CDH18: variants seen among roughly 807,000 people sequenced by gnomAD.
CDH18 encodes cadherin 18.
CDH18 carries 31 observed loss-of-function variants against 67.9 expected under a neutral mutation model. The observed-to-expected ratio is 0.46, with a 90% CI of 0.34 to 0.62. CDH18 has a LOEUF of 0.62. Ranked by LOEUF, CDH18 falls within the 20% of genes least tolerant of loss-of-function variation. The pLI, the probability that CDH18 is intolerant of heterozygous loss-of-function variation, is 0.01. For missense variants in CDH18, 890 were observed against 975.5 expected (o/e 0.91, Z 1.17); for synonymous variants, 362 against 347.2 (o/e 1.04, Z -0.48).
chr5:20,058,936 C>G (rs893100253), intron 2 of CDH18, among the ~76,000 whole-genome samples: 3 of 152,092 alleles, frequency 2.0e-5, no homozygotes, highest in Non-Finnish European at 4.4e-5. Flanking sequence ...CCGTCTGGTC[C>G]TGGGCTTTTT....
At chr5:20,087,332 A>T (rs746347967) in intron 2 of CDH18, among the ~76,000 whole-genome samples, 3 of 152,206 alleles carry the variant, frequency 2.0e-5, no homozygotes, top group Non-Finnish European at 2.9e-5. Context: ...TTGTTTAAAT[A>T]TTAAAAAAAA....
chr5:19,917,586 G>C (rs1341229654), intron 2 of CDH18, among the ~76,000 whole-genome samples: 2 of 152,102 alleles, frequency 1.3e-5, no homozygotes, highest in Non-Finnish European at 2.9e-5. Flanking sequence ...TCTCTTAGGT[G>C]CAACTTCATC....
chr5:20,079,968 T>C (rs921705847), intron 2 of CDH18, among the ~76,000 whole-genome samples: 2 of 152,168 alleles, frequency 1.3e-5, no homozygotes, highest in African/African-American at 4.8e-5. Context: ...ACCAATCCCA[T>C]GATGAGGGCT....
chr5:20,038,100 A>T (rs1740053186), intron 2 of CDH18, among the ~76,000 whole-genome samples: 1 of 152,204 alleles, frequency 6.6e-6, no homozygotes, highest in Non-Finnish European at 1.5e-5. Context: ...GAAAATCTAG[A>T]AGAAATGGAT....
chr5:19,733,909 A>T (rs971136614), intron 4 of CDH18, among the ~76,000 whole-genome samples: 2 of 152,140 alleles, frequency 1.3e-5, no homozygotes, highest in African/African-American at 4.8e-5. Flanking sequence ...TCATGTGTTG[A>T]TGCTCAAAGC....
chr5:19,742,560 A>T (rs1769355458), intron 4 of CDH18, among the ~76,000 whole-genome samples: 1 of 152,142 alleles, frequency 6.6e-6, no homozygotes, highest in African/African-American at 2.4e-5. Flanking sequence ...GTCTTCTCTC[A>T]TCCACAAGCA....
At chr5:19,537,354 A>T (rs2127028264) in intron 9 of CDH18, among the ~76,000 whole-genome samples, 1 of 152,128 alleles carries the variant, frequency 6.6e-6, no homozygotes, top group Non-Finnish European at 1.5e-5. Flanking sequence ...TTTATAATAA[A>T]TCTACCTGTT....
intron 2 of CDH18, among the ~76,000 whole-genome samples, chr5:20,051,604 C>A (rs574777129): frequency 5.9e-5 from 9 of 151,890 alleles, no homozygotes; most frequent in Non-Finnish European, 1.2e-4. Context: ...CAATTTAAAA[C>A]TTAAACAACT....
intron 3 of CDH18, among the ~76,000 whole-genome samples, chr5:19,791,234 C>T (rs986421920): frequency 3.3e-5 from 5 of 151,888 alleles, no homozygotes; most frequent in Non-Finnish European, 5.9e-5. Context: ...AGTGGCAGTG[C>T]GTGTGGTAGT....
At chr5:20,074,286 C>T (rs2150529948) in intron 2 of CDH18, among the ~76,000 whole-genome samples, 1 of 152,202 alleles carries the variant, frequency 6.6e-6, no homozygotes, top group African/African-American at 2.4e-5. Context: ...TATCATATGC[C>T]TTGTCTCTTG....
chr5:20,537,585 C>T (rs76386487), intron 1 of CDH18, among the ~76,000 whole-genome samples: 1 of 152,046 alleles, frequency 6.6e-6, no homozygotes, highest in Non-Finnish European at 1.5e-5. Flanking sequence ...CTCACAGCTG[C>T]AACTTTAAGC....
intron 2 of CDH18, among the ~76,000 whole-genome samples, chr5:19,904,860 A>C (rs914383298): frequency 2.0e-5 from 3 of 152,200 alleles, no homozygotes; most frequent in Non-Finnish European, 4.4e-5. Context: ...TAATTTCTTC[A>C]AAAATATCAT....
chr5:19,739,555 T>C (rs1028939107), intron 4 of CDH18, among the ~76,000 whole-genome samples: 2 of 152,176 alleles, frequency 1.3e-5, no homozygotes, highest in African/African-American at 4.8e-5. Flanking sequence ...AAAGCAAATA[T>C]TGTGTGTGGC....
At chr5:19,641,507 T>C (rs974837202) in intron 5 of CDH18, among the ~76,000 whole-genome samples, 12 of 152,026 alleles carry the variant, frequency 7.9e-5, no homozygotes, top group African/African-American at 2.4e-4. Flanking sequence ...CCACGTGAGA[T>C]TTATCAATTG....
chr5:20,451,196 T>C (rs1455044256), intron 1 of CDH18, among the ~76,000 whole-genome samples: 1 of 152,334 alleles, frequency 6.6e-6, no homozygotes, highest in African/African-American at 2.4e-5. Flanking sequence ...GCAGGACTTA[T>C]GTCTTTTTTC....
At chr5:19,991,675 C>A (rs1312607794), upstream of CDH18, among the ~76,000 whole-genome samples, 2 of 151,974 alleles carry the variant, frequency 1.3e-5, no homozygotes, top group African/African-American at 4.8e-5. Context: ...ATTTAGTTAA[C>A]CTTTACTCAT....
At chr5:20,019,587 A>G (rs747315607) in intron 2 of CDH18, among the ~76,000 whole-genome samples, 13 of 152,150 alleles carry the variant, frequency 8.5e-5, no homozygotes, top group Non-Finnish European at 1.5e-4. Flanking sequence ...CTGTCCATAT[A>G]CAGCATACCT....
At chr5:20,404,593 C>T (rs1027142898) in intron 1 of CDH18, among the ~76,000 whole-genome samples, 4 of 152,028 alleles carry the variant, frequency 2.6e-5, no homozygotes, top group Non-Finnish European at 4.4e-5. Context: ...ATAACACACA[C>T]AGGATTTATT....
intron 1 of CDH18, among the ~76,000 whole-genome samples, chr5:20,543,796 C>G (rs1414822153): frequency 6.6e-6 from 1 of 152,100 alleles, no homozygotes; most frequent in East Asian, 1.9e-4. Flanking sequence ...GCGTATAGGT[C>G]AGTACAATTG....
Sources: allele counts gnomAD v4.1 joint callset (sites outside exome capture counted in the v4.1 genomes callset), GRCh38; gene constraint gnomAD v4.1.1; transcripts MANE v1.5; gene names NCBI Gene and HGNC (gene_info 2026-07-23, HGNC 2026-07-21).